RSBN1L: variants seen among roughly 807,000 people sequenced by gnomAD.
RSBN1L encodes the protein lysine-specific demethylase RSBN1L.
Under a neutral mutation model 67.7 loss-of-function variants are expected in RSBN1L, and 30 were observed. That is an observed-to-expected ratio of 0.44 (90% confidence interval 0.33 to 0.60). The LOEUF is 0.60. Among genes scored for constraint, RSBN1L ranks in the 20% least tolerant of loss-of-function variants. RSBN1L has a pLI of 0.02. For synonymous variants in RSBN1L, 433 were observed against 387.0 expected, an observed-to-expected ratio of 1.12 and a Z score of -1.39; for missense variants, 992 against 1,031.7, an observed-to-expected ratio of 0.96 and a Z score of 0.53.
intron 3 of RSBN1L, 49 bp from the exon 4 acceptor site, chr7:77,765,446 C>G (rs117919640): frequency 6.6e-6 from 9 of 1,373,470 alleles, no homozygotes; most frequent in Non-Finnish European, 8.8e-6. Context: ...CCATATTCTT[C>G]AGGTAAAAAG....
At chr7:77,715,023 G>A (rs998649603) in intron 1 of RSBN1L, among the ~76,000 whole-genome samples, 4 of 151,228 alleles carry the variant, frequency 2.6e-5, no homozygotes, top group Admixed American at 6.6e-5. Context: ...TGTAATCCCA[G>A]TACTTTGGTA....
rs540918002 is a variant in RSBN1L, at chr7:77,780,817, C to T, written c.*1649C>T. The T allele has an allele frequency of 6.6e-6, 1 of 152,282 alleles. No homozygotes were observed. The highest frequency in any genetic ancestry group is 2.1e-4 in the South Asian group (1 of 4,828). The allele number at this position is 152,282 out of a possible 1,614,324, so 9.4% of individuals were successfully genotyped here. A position where few individuals can be genotyped will look rare whatever the true frequency, so the allele number is the denominator to read the frequency against. ...AGTGCCTAACTAAAGATGAGTAAAA[C>T]AGACCTCTTTAATGATAGACTCACT... is the stretch of plus-strand genomic sequence containing the variant. On this transcript the variant is annotated 3_prime_UTR_variant, in exon 8 of 8. Coordinates refer to ENST00000334955, the MANE Select transcript of RSBN1L (RefSeq NM_198467.3).
At position 77,696,907 on chromosome 7, in the gene RSBN1L, C is replaced by T. The variant is rs775813400; in HGVS notation, c.438C>T (p.Ala146=). 3 of 1,603,878 alleles carry T rather than the reference C, an allele frequency of 1.9e-6. No individual in the cohort carries two copies. Among genetic ancestry groups the T allele is most frequent in the East Asian group, 2.2e-5 (1 of 44,844 alleles). ...HAQPHHLLLP[A]AAAAASANAK... is the part of the protein sequence containing the mutation. ...AGCCTCACCATCTCCTCCTGCCCGCCGCCGCCGCCGCTGCCTCGGCTAACG... is the reference window on the plus strand; with the variant it reads ...AGCCTCACCATCTCCTCCTGCCCGCTGCCGCCGCCGCTGCCTCGGCTAACG... The change falls in exon 1 of 8, where the codon GCC becomes GCT. Residue 146 remains alanine (A), a synonymous_variant. Coordinates refer to ENST00000334955, the MANE Select transcript of RSBN1L (RefSeq NM_198467.3).
Position 77,778,741 on chromosome 7 carries a change from C to T in RSBN1L, c.2114C>T (p.Thr705Ile), listed in dbSNP as rs1246087945. 6.2e-7 allele frequency: 1 copy of T among 1,614,138 alleles called. No individual in the cohort carries two copies. Among genetic ancestry groups the T allele is most frequent in the Non-Finnish European group, 8.5e-7 (1 of 1,180,008 alleles). ...GAGGACACTTCTCAGAATACAGCTA[C>T]TCATGAAACAGGCACATCATCAGAT... is the stretch of plus-strand genomic sequence containing the variant. ...SEEDTSQNTA[T>I]HETGTSSDST... Residue 705 changes from threonine to isoleucine, a missense_variant, in exon 8 of 8, where the codon ACT (threonine) becomes ATT (isoleucine). Thr to Ile is a moderately conservative substitution (Grantham distance 89). Around this residue, in one of 7 missense-constraint regions of RSBN1L, gnomAD observed 199 missense variants for 167.7 expected, o/e 1.19. Transcript: ENST00000334955.
chr7:77,773,210 C>T lies in RSBN1L; in HGVS notation c.1689C>T (p.Leu563=). The T allele has an allele frequency of 6.2e-7, 1 of 1,613,094 alleles. No individual in the cohort carries two copies. The highest frequency in any genetic ancestry group is 8.5e-7 in the Non-Finnish European group (1 of 1,179,496). The change falls in exon 6 of 8, where the codon CTC becomes CTT. Residue 563 remains leucine, a synonymous_variant. Transcript: ENST00000334955. ...GAACAAGTGAGCCCCGTGAGATGCTCTTTGAAGACAGGACAAGAGCTCATG... is the reference window on the plus strand; with the variant it reads ...GAACAAGTGAGCCCCGTGAGATGCTTTTTGAAGACAGGACAAGAGCTCATG... ...LPRTSEPREM[L]FEDRTRAHAD...
rs1380496960 is a variant in RSBN1L, at chr7:77,779,558, ATG to A, written c.*394_*395del. The stretch of plus-strand genomic sequence containing the variant: ...TTTATATCCTTTTTTTTCATTTTAA[ATG>A]TGTCAGCACTGTAGTGTAAATAGCT... On this transcript the variant is annotated 3_prime_UTR_variant, in exon 8 of 8. Coordinates refer to ENST00000334955, the MANE Select transcript of RSBN1L (RefSeq NM_198467.3). 6.6e-6 allele frequency: 1 copy of A among 151,018 alleles called. No individual in the cohort carries two copies. The highest frequency in any genetic ancestry group is 1.5e-5 in the Non-Finnish European group (1 of 67,722). The allele number at this position is 151,018 out of a possible 1,614,324, so 9.4% of individuals were successfully genotyped here.
rs1239593033 is a variant in RSBN1L at position 77,778,988 on chromosome 7, A to G, written c.2361A>G (p.Lys787=). The change falls in exon 8 of 8, where the codon AAA becomes AAG. Residue 787 remains lysine (K), a synonymous_variant. Transcript: ENST00000334955. ...ATAATATGGATGGCAAGAATGTTAAAGCAAAATTGGATCATGTTCAATTTG... is the reference window on the plus strand; with the variant it reads ...ATAATATGGATGGCAAGAATGTTAAGGCAAAATTGGATCATGTTCAATTTG... ...ALNNMDGKNV[K]AKLDHVQFAE... The G allele has an allele frequency of 1.2e-6, 2 of 1,614,080 alleles. No homozygotes were observed. Among genetic ancestry groups the G allele is most frequent in the Non-Finnish European group, 1.7e-6 (2 of 1,179,976 alleles).
chr7:77,748,274 A>G (rs984990002), intron 2 of RSBN1L, among the ~76,000 whole-genome samples: 2 of 152,258 alleles, frequency 1.3e-5, no homozygotes, highest in Non-Finnish European at 2.9e-5. Flanking sequence ...AGACAGTGGC[A>G]TCAAGGAATT....
intron 3 of RSBN1L, among the ~76,000 whole-genome samples, chr7:77,756,959 C>A (rs1364659032): frequency 6.6e-6 from 1 of 152,196 alleles, no homozygotes; most frequent in African/African-American, 2.4e-5. Flanking sequence ...GGTTGTGCAA[C>A]CTGATGGTAC....
chr7:77,736,521 T>C lies in RSBN1L; in HGVS notation c.698T>C (p.Leu233Pro), dbSNP rs1347887655. The C allele has an allele frequency of 1.5e-6, 2 of 1,310,294 alleles. No individual in the cohort carries two copies. Among genetic ancestry groups the C allele is most frequent in the Non-Finnish European group, 2.1e-6 (2 of 964,992 alleles). 81.2% of individuals were successfully genotyped at this position (1,310,294 alleles called of 1,614,324 possible). Residue 233 changes from leucine (L) to proline (P), a missense_variant, in exon 2 of 8, where the codon CTG (leucine) becomes CCG (proline). Around this residue, in one of 7 missense-constraint regions of RSBN1L, gnomAD observed 575 missense variants for 483.2 expected, o/e 1.19. Coordinates refer to ENST00000334955, the MANE Select transcript of RSBN1L (RefSeq NM_198467.3). Reference protein sequence around the residue: ...KKENGEVKILLKSGKEKPKTN... With the variant: ...KKENGEVKILPKSGKEKPKTN... ...GAGAATGGAGAAGTAAAGATTTTGC[T>C]GAAAAGTAAGTTTTATTCAGTGATT...
chr7:77,717,411 T>C (rs1228720502), intron 1 of RSBN1L, among the ~76,000 whole-genome samples: 1 of 152,218 alleles, frequency 6.6e-6, no homozygotes, highest in East Asian at 1.9e-4. Flanking sequence ...ATATAATTGG[T>C]AATTGGATAT....
intron 5 of RSBN1L, among the ~76,000 whole-genome samples, chr7:77,770,929 A>G (rs904673197): frequency 2.0e-5 from 3 of 152,038 alleles, no homozygotes; most frequent in African/African-American, 7.2e-5. Flanking sequence ...GAGAGATTAT[A>G]GCCTTTTGTT....
rs36054297 is a variant in RSBN1L at position 77,750,296 on chromosome 7, G to GTTTTTTTT, written c.1344+250_1344+257dup. ...ATTAATGAAATAATTAAGATTCTGT[G>GTTTTTTTT]TTTTTTTTTTTTTTTTTTTTTTTTT... On this transcript the variant is annotated intron_variant, in intron 3 of 7. Coordinates refer to ENST00000334955, the MANE Select transcript of RSBN1L (RefSeq NM_198467.3). Among the ~76,000 whole-genome samples, 55 of 57,460 alleles carry GTTTTTTTT rather than the reference G, an allele frequency of 9.6e-4. 5 individuals carry two copies. The highest frequency in any genetic ancestry group is 1.6e-3 in the African/African-American group (23 of 14,482). The allele number at this position is 57,460 out of a possible 152,430, so 37.7% of individuals were successfully genotyped here.
At position 77,783,019 on chromosome 7, in the gene RSBN1L, C is replaced by T. The variant is rs1792018575; in HGVS notation, c.*3851C>T. 2.0e-5 allele frequency: 3 copies of T among 152,190 alleles called. 1 individual carries two copies. The highest frequency in any genetic ancestry group is 7.2e-5 in the African/African-American group (3 of 41,534). 9.4% of individuals were successfully genotyped at this position (152,190 alleles called of 1,614,324 possible). ...TTCAATAAATACTAAAATTGATAAC[C>T]ACAGTCTTTTTACTTTTGTAATTAT... On this transcript the variant is annotated 3_prime_UTR_variant, in exon 8 of 8. Coordinates refer to ENST00000334955, the MANE Select transcript of RSBN1L (RefSeq NM_198467.3).
Position 77,749,303 on chromosome 7 carries a change from T to C in RSBN1L, c.704-121T>C, listed in dbSNP as rs904290967. On this transcript the variant is annotated intron_variant, in intron 2 of 7. Coordinates refer to ENST00000334955, the MANE Select transcript of RSBN1L (RefSeq NM_198467.3). ...TATCAATTCTGTAAAAAATGAGTCC[T>C]AAATATATAATTCTGAGTAAATTTT... 12 of 749,632 alleles carry C rather than the reference T, an allele frequency of 1.6e-5. No individual in the cohort carries two copies. In the African/African-American group the frequency reaches 2.2e-4, roughly 14 times the overall value. The allele number at this position is 749,632 out of a possible 1,614,324, so 46.4% of individuals were successfully genotyped here. A position where few individuals can be genotyped will look rare whatever the true frequency, so the allele number is the denominator to read the frequency against.
At chr7:77,697,160 G>A in intron 1 of RSBN1L, 105 bp downstream of exon 1, 1 of 1,231,870 alleles carries the variant, frequency 8.1e-7, no homozygotes, top group Non-Finnish European at 1.0e-6. Flanking sequence ...GCGTGCGCCG[G>A]CCTGGAGGGG....
At chr7:77,764,778 C>T (rs572376885) in intron 3 of RSBN1L, among the ~76,000 whole-genome samples, 15 of 152,130 alleles carry the variant, frequency 9.9e-5, no homozygotes, top group Non-Finnish European at 1.6e-4. Flanking sequence ...AGGCGCGCGC[C>T]GGCCACCACA....
chr7:77,708,514 T>C (rs1050490633), intron 1 of RSBN1L, among the ~76,000 whole-genome samples: 13 of 151,992 alleles, frequency 8.6e-5, no homozygotes, highest in Non-Finnish European at 1.6e-4. Context: ...CCGGAGTAGC[T>C]GGGACTACAG....
At chr7:77,712,422 A>T (rs10242156) in intron 1 of RSBN1L, among the ~76,000 whole-genome samples, 27,300 of 151,826 alleles carry the variant, frequency 0.18, 2,970 homozygotes, top group African/African-American at 0.31. Flanking sequence ...CTGGAATTAT[A>T]GACACGTGCC....
Sources: allele counts gnomAD v4.1 joint callset (sites outside exome capture counted in the v4.1 genomes callset), GRCh38; gene constraint gnomAD v4.1.1; regional missense constraint gnomAD v4.1.1; transcripts MANE v1.5; gene names NCBI Gene and HGNC (gene_info 2026-07-23, HGNC 2026-07-21).